The following SDK1 variants were observed in gnomAD, a reference collection of about 807,000 sequenced individuals.
SDK1 encodes protein sidekick-1.
In SDK1, 157 loss-of-function variants were observed where a neutral mutation model predicts 245.5. The ratio of observed to expected loss-of-function variants is 0.64; its 90% CI spans 0.56 to 0.73. The LOEUF (loss-of-function observed/expected upper bound fraction) is 0.73, where lower values mean the gene tolerates loss of function less well. Among genes scored for constraint, SDK1 ranks in the 30% least tolerant of loss-of-function variants. The pLI, the probability that SDK1 is intolerant of heterozygous loss-of-function variation, is 0.00. For missense variants in SDK1, 3,583 were observed against 3,002.3 expected, an observed-to-expected ratio of 1.19 and a Z score of -4.52; for synonymous variants, 1,647 against 1,278.5, an observed-to-expected ratio of 1.29 and a Z score of -6.15.
intron 4 of SDK1, among the ~76,000 whole-genome samples, chr7:3,659,590 A>T (rs1164613683): frequency 1.3e-5 from 2 of 152,076 alleles, no homozygotes; most frequent in African/African-American, 4.8e-5. Context: ...GTCGGCAGGG[A>T]CTAGATTGTG....
chr7:4,056,804 C>T (rs1022444064), intron 19 of SDK1, among the ~76,000 whole-genome samples: 4 of 152,300 alleles, frequency 2.6e-5, no homozygotes, highest in Middle Eastern at 3.4e-3. Flanking sequence ...AACATTCCGC[C>T]GTGGGTCCCA....
chr7:3,867,598 A>G (rs886377832), intron 5 of SDK1, among the ~76,000 whole-genome samples: 3 of 152,070 alleles, frequency 2.0e-5, no homozygotes, highest in Admixed American at 2.0e-4. Context: ...AAACCATCAG[A>G]TCTCGTGAGA....
intron 5 of SDK1, among the ~76,000 whole-genome samples, chr7:3,892,539 G>A (rs553513106): frequency 6.6e-6 from 1 of 152,292 alleles, no homozygotes; most frequent in East Asian, 1.9e-4. Context: ...TTCACCTCCT[G>A]GCAAGTCACG....
chr7:3,644,588 A>T (rs1782761491), intron 4 of SDK1, among the ~76,000 whole-genome samples: 1 of 150,788 alleles, frequency 6.6e-6, no homozygotes, highest in Non-Finnish European at 1.5e-5. Context: ...ACATACTGAA[A>T]CCTTATCTCT....
intron 4 of SDK1, among the ~76,000 whole-genome samples, chr7:3,709,974 A>G (rs1473666531): frequency 6.6e-6 from 1 of 152,264 alleles, no homozygotes; most frequent in East Asian, 1.9e-4. Context: ...CTCTGCTTTT[A>G]TATCTTTTCA....
intron 4 of SDK1, among the ~76,000 whole-genome samples, chr7:3,720,834 A>C (rs1444757134): frequency 2.0e-5 from 3 of 152,350 alleles, no homozygotes; most frequent in South Asian, 4.1e-4. Context: ...GCCCAAACCT[A>C]GGAAAAGTTC....
intron 4 of SDK1, among the ~76,000 whole-genome samples, chr7:3,683,702 G>A (rs376818876): frequency 6.6e-6 from 1 of 152,322 alleles, no homozygotes; most frequent in South Asian, 2.1e-4. Context: ...GGGACCTTGG[G>A]ACTTGAGGCA....
intron 1 of SDK1, among the ~76,000 whole-genome samples, chr7:3,555,368 T>G (rs2128624456): frequency 6.6e-6 from 1 of 152,294 alleles, no homozygotes; most frequent in East Asian, 1.9e-4. Flanking sequence ...CTGGGAAAAC[T>G]GGATATCCAT....
chr7:3,509,846 T>G (rs1427798811), intron 1 of SDK1, among the ~76,000 whole-genome samples: 3 of 152,106 alleles, frequency 2.0e-5, no homozygotes, highest in Non-Finnish European at 2.9e-5. Context: ...TTATAGAGAA[T>G]GGAATGTTAA....
intron 5 of SDK1, among the ~76,000 whole-genome samples, chr7:3,950,213 C>A (rs1391115774): frequency 6.6e-6 from 1 of 152,220 alleles, no homozygotes; most frequent in Non-Finnish European, 1.5e-5. Context: ...ACTGGCTGTG[C>A]TTGGACCCCA....
At chr7:3,888,025 A>G (rs956577294) in intron 5 of SDK1, among the ~76,000 whole-genome samples, 2 of 152,184 alleles carry the variant, frequency 1.3e-5, no homozygotes, top group African/African-American at 4.8e-5. Flanking sequence ...GTGCTTTTCA[A>G]GTGGTCTATA....
chr7:4,235,905 C>T (rs1786135420), intron 41 of SDK1, among the ~76,000 whole-genome samples: 1 of 152,246 alleles, frequency 6.6e-6, no homozygotes, highest in Non-Finnish European at 1.5e-5. Context: ...CCCGGCCTTC[C>T]TTTCCTACCA....
chr7:4,236,079 G>A (rs956362622), intron 41 of SDK1, among the ~76,000 whole-genome samples: 1 of 152,266 alleles, frequency 6.6e-6, no homozygotes, highest in African/African-American at 2.4e-5. Flanking sequence ...ACCTGCATTA[G>A]CCAAAGCCGA....
intron 1 of SDK1, among the ~76,000 whole-genome samples, chr7:3,617,065 A>G (rs942849121): frequency 3.3e-5 from 5 of 152,226 alleles, no homozygotes; most frequent in African/African-American, 7.2e-5. Flanking sequence ...TAACTTCTCC[A>G]TGCTTCTGTT....
At chr7:3,515,136 C>T (rs894990111) in intron 1 of SDK1, among the ~76,000 whole-genome samples, 4 of 152,026 alleles carry the variant, frequency 2.6e-5, no homozygotes, top group South Asian at 2.1e-4. Context: ...GAGACAAGAC[C>T]TGGAGGTGCA....
rs115136369 is a variant in SDK1, at chr7:3,632,843, G to C, written c.459-6161G>C. ...ACAAATTTCAGTTTGAATTGTCCTT[G>C]TGTTTTTCTGAGACAGCTTGTTATG... On this transcript the variant is annotated intron_variant, in intron 2 of 44. Transcript: ENST00000404826. Among the ~76,000 whole-genome samples, 1,301 of 152,098 alleles carry C rather than the reference G, an allele frequency of 8.6e-3. 21 individuals are homozygous for C. Among genetic ancestry groups the C allele is most frequent in the African/African-American group, 0.029 (1,206 of 41,480 alleles).
chr7:3,834,723 CG>C, intron 5 of SDK1, among the ~76,000 whole-genome samples: 1 of 152,176 alleles, frequency 6.6e-6, no homozygotes, highest in East Asian at 1.9e-4. Context: ...CCCACTAGAA[CG>C]TAAGTTCCGC....
chr7:3,790,671 TG>T (rs1321994428), intron 4 of SDK1, among the ~76,000 whole-genome samples: 1 of 152,148 alleles, frequency 6.6e-6, no homozygotes. Flanking sequence ...CTGGGCATGG[TG>T]ACGCATGCCT....
chr7:4,139,443 GTA>G (rs1285469765), intron 28 of SDK1, among the ~76,000 whole-genome samples: 4 of 76,630 alleles, frequency 5.2e-5, no homozygotes, highest in Non-Finnish European at 8.4e-5. Flanking sequence ...ATATGTGTGT[GTA>G]TATGTGTGTG....
Sources: allele counts gnomAD v4.1 joint callset (sites outside exome capture counted in the v4.1 genomes callset), GRCh38; gene constraint gnomAD v4.1.1; transcripts MANE v1.5; gene names NCBI Gene and HGNC (gene_info 2026-07-23, HGNC 2026-07-21).